Variants in ATR observed in about 807,000 individuals in gnomAD.
ATR encodes the protein ATR checkpoint kinase.
In ATR, 142 loss-of-function variants were observed where a neutral mutation model predicts 305.3. The ratio of observed to expected loss-of-function variants is 0.47; its 90% CI spans 0.41 to 0.53. The LOEUF is 0.53. Among genes scored for constraint, ATR ranks in the 20% least tolerant of loss-of-function variants. ATR has a pLI of 0.00. For synonymous variants in ATR, 1,050 were observed against 1,068.1 expected (o/e 0.98, Z 0.33); for missense variants, 2,135 against 3,133.1 (o/e 0.68, Z 7.60).
At chr3:142,476,049 G>T (rs1436333521) in intron 36 of ATR, among the ~76,000 whole-genome samples, 1 of 152,130 alleles carries the variant, frequency 6.6e-6, no homozygotes, top group Non-Finnish European at 1.5e-5. Context: ...TAAGTTGCCT[G>T]TTCACTCTGA....
At chr3:142,499,135 C>T in intron 31 of ATR, 1 of 379,014 alleles carries the variant, frequency 2.6e-6, no homozygotes, top group East Asian at 6.7e-5. Flanking sequence ...CCCACCTTGG[C>T]CTCCCAAAAC....
At chr3:142,510,680 G>A (rs1012791975) in intron 27 of ATR, among the ~76,000 whole-genome samples, 2 of 151,628 alleles carry the variant, frequency 1.3e-5, no homozygotes, top group Non-Finnish European at 2.9e-5. Flanking sequence ...GGAAGTGAAG[G>A]CCTCTTTAAG....
Position 142,497,081 on chromosome 3 carries a change from G to A in ATR, c.5670C>T (p.Thr1890=), listed in dbSNP as rs772299959. The part of the protein sequence containing the change: ...SLNWVARLEM[T]QNSYRAKEPI... Reference sequence around the variant, plus strand: ...GCTCCTTGGCTCTGTAGGAATTCTGGGTCATTTCTAGTCGAGCTACCCAGT... The same window carrying A: ...GCTCCTTGGCTCTGTAGGAATTCTGAGTCATTTCTAGTCGAGCTACCCAGT... The change falls in exon 33 of 47, where the codon ACC becomes ACT. Residue 1890 remains threonine (T), a synonymous_variant. Coordinates refer to ENST00000350721, the MANE Select transcript of ATR (RefSeq NM_001184.4). 3.7e-6 allele frequency: 6 copies of A among 1,613,694 alleles called. No homozygotes were observed. The South Asian group carries it at 6.6e-5, about 18-fold the overall frequency.
At chr3:142,475,463 T>C (rs1030577330) in intron 36 of ATR, among the ~76,000 whole-genome samples, 2 of 152,190 alleles carry the variant, frequency 1.3e-5, no homozygotes, top group African/African-American at 4.8e-5. Context: ...TTCCATGGGG[T>C]ATATGTGCCA....
In ATR at chr3:142,453,724, A is replaced by G. The variant is rs985436443; in HGVS notation, c.7656-491T>C. Among the ~76,000 whole-genome samples the G allele has an allele frequency of 2.0e-5, 3 of 152,148 alleles. No homozygotes were observed. In the East Asian group the frequency reaches 5.8e-4, roughly 29 times the overall value. ...AAATAAAATTAATTACCTTTTCCCA[A>G]CTATTTCTCCTGTATTCCCCAAATC... On this transcript the variant is annotated intron_variant, in intron 45 of 46. Coordinates refer to ENST00000350721, the MANE Select transcript of ATR (RefSeq NM_001184.4).
intron 45 of ATR, among the ~76,000 whole-genome samples, chr3:142,457,071 CAGAAAA>C (rs752975982): frequency 6.6e-6 from 1 of 152,022 alleles, no homozygotes; most frequent in East Asian, 1.9e-4. Flanking sequence ...AACTGATGAA[CAGAAAA>C]AGAAAATGTA....
Position 142,554,151 on chromosome 3 carries a change from T to G in ATR, c.2342-136A>C, listed in dbSNP as rs896066883. ...AATGTCAATGTTTCATATTTAAGTA[T>G]GTATAGCACACAGAATTTTAGGAAA... On this transcript the variant is annotated intron_variant, in intron 10 of 46. Transcript: ENST00000350721. The G allele has an allele frequency of 1.5e-4, 98 of 654,814 alleles. No homozygotes were observed. In the South Asian group the frequency reaches 2.6e-3, roughly 17 times the overall value. The allele number at this position is 654,814 out of a possible 1,614,324, so 40.6% of individuals were successfully genotyped here. A position where few individuals can be genotyped will look rare whatever the true frequency, so the allele number is the denominator to read the frequency against.
chr3:142,470,239 CGAATTAAAATTTAAA>C, intron 36 of ATR, 56 bp from the exon 37 acceptor site: 1 of 1,369,686 alleles, frequency 7.3e-7, no homozygotes. Context: ...TTATATTATA[CGAATTAAAATTTAAA>C]GATTCAAACT....
At chr3:142,522,529 C>T (rs2033190653) in intron 23 of ATR, among the ~76,000 whole-genome samples, 199 bp downstream of exon 23, 1 of 151,930 alleles carries the variant, frequency 6.6e-6, no homozygotes, top group Admixed American at 6.6e-5. Context: ...TATATACATA[C>T]AAAAATTTTG....
intron 23 of ATR, among the ~76,000 whole-genome samples, chr3:142,520,439 C>G (rs962231919): frequency 6.6e-6 from 1 of 152,140 alleles, no homozygotes. Flanking sequence ...TTGCACCTAA[C>G]AGCCAAGTAT....
chr3:142,466,648 G>T, intron 39 of ATR, 115 bp from the exon 40 acceptor site: 1 of 976,724 alleles, frequency 1.0e-6, no homozygotes, highest in Non-Finnish European at 1.5e-6. Flanking sequence ...GGTTTTCTAA[G>T]TATTTCCTAA....
chr3:142,477,136 A>T (rs2029901957), intron 36 of ATR, among the ~76,000 whole-genome samples: 1 of 152,152 alleles, frequency 6.6e-6, no homozygotes, highest in Admixed American at 6.5e-5. Context: ...ACTATGTTGA[A>T]TAGGAGTGGT....
At chr3:142,545,850 G>A (rs2034251501) in intron 16 of ATR, among the ~76,000 whole-genome samples, 1 of 152,144 alleles carries the variant, frequency 6.6e-6, no homozygotes, top group South Asian at 2.1e-4. Flanking sequence ...GTAGATAGCG[G>A]TACCATTACT....
rs772788151 is a variant in ATR, at chr3:142,512,474, T to C, written c.4642-4A>G. On this transcript the variant is annotated splice_polypyrimidine_tract_variant and splice_region_variant and intron_variant, in intron 26 of 46. Transcript: ENST00000350721. Reference sequence around the variant, plus strand: ...CTGCCATAATTTCTGCATAAACCTATGAGAATCATTTATAATTAATAATAA... The same window carrying C: ...CTGCCATAATTTCTGCATAAACCTACGAGAATCATTTATAATTAATAATAA... 1.9e-6 allele frequency: 3 copies of C among 1,583,460 alleles called. No individual in the cohort carries two copies. Among genetic ancestry groups the C allele is most frequent in the Non-Finnish European group, 2.6e-6 (3 of 1,153,848 alleles).
intron 10 of ATR, among the ~76,000 whole-genome samples, chr3:142,555,005 G>C: frequency 6.6e-6 from 1 of 151,852 alleles, no homozygotes; most frequent in African/African-American, 2.4e-5. Flanking sequence ...GGGGGACAGA[G>C]TGGGTAGATT....
intron 9 of ATR, 26 bp from the exon 10 acceptor site, chr3:142,556,165 A>C (rs763267112): frequency 6.2e-7 from 1 of 1,611,264 alleles, no homozygotes; most frequent in South Asian, 1.1e-5. Flanking sequence ...AAAAAGTACT[A>C]AACTTTCTTG....
chr3:142,509,301 C>T (rs1389241947), intron 27 of ATR, among the ~76,000 whole-genome samples: 2 of 152,078 alleles, frequency 1.3e-5, no homozygotes, highest in Non-Finnish European at 2.9e-5. Flanking sequence ...GTAGCTGGGA[C>T]CATAGGCATG....
At chr3:142,472,304 CAT>C (rs1284217864) in intron 36 of ATR, 1 of 152,124 alleles carries the variant, frequency 6.6e-6, no homozygotes, top group African/African-American at 2.4e-5. Context: ...ATTGCTAGAT[CAT>C]ATGATATTTC....
rs1438723592 is a variant in ATR at position 142,560,341 on chromosome 3, T to A, written c.1463A>T (p.Glu488Val). Residue 488 changes from glutamate to valine, a missense_variant, in exon 6 of 47, where the codon GAG (glutamate) becomes GTG (valine). Transcript: ENST00000350721. ...GACAACAGCAATTCCTTCTAACATCTCAATAACAGGATTCTTTAGGCCACT... is the reference window on the plus strand; with the variant it reads ...GACAACAGCAATTCCTTCTAACATCACAATAACAGGATTCTTTAGGCCACT... ...EYSGLKNPVI[E>V]MLEGIAVVLQ... The A allele has an allele frequency of 6.2e-7, 1 of 1,613,862 alleles. No individual in the cohort carries two copies. The highest frequency in any genetic ancestry group is 1.7e-5 in the Admixed American group (1 of 60,026).
Sources: allele counts gnomAD v4.1 joint callset (sites outside exome capture counted in the v4.1 genomes callset), GRCh38; gene constraint gnomAD v4.1.1; transcripts MANE v1.5; gene names NCBI Gene and HGNC (gene_info 2026-07-23, HGNC 2026-07-21).